Variants in PLAC1 observed in about 807,000 individuals in gnomAD.
PLAC1 encodes placenta-specific protein 1.
For synonymous variants in PLAC1, 68 were observed against 62.1 expected (o/e 1.09, Z -0.44); for missense variants, 136 against 163.2 (o/e 0.83, Z 0.91).
chrX:134,655,600 G>A (rs1020064444), intron 1 of PLAC1, among the ~76,000 whole-genome samples: 2 of 111,707 alleles, frequency 1.8e-5, no homozygotes, highest in Admixed American at 9.5e-5. Flanking sequence ...TTTGTGTATT[G>A]CATCTACTTA....
chrX:134,608,182 A>G (rs2078132127), intron 1 of PLAC1, among the ~76,000 whole-genome samples: 1 of 112,131 alleles, frequency 8.9e-6, no homozygotes, highest in East Asian at 2.8e-4. Context: ...TCCTAGATAC[A>G]TATCCAATAG....
intron 1 of PLAC1, among the ~76,000 whole-genome samples, chrX:134,758,885 G>C (rs963816508): frequency 9.0e-6 from 1 of 111,163 alleles, no homozygotes; most frequent in African/African-American, 3.3e-5. Context: ...CATCTAATGG[G>C]GACTTAATAT....
rs975828256 is a variant in PLAC1 at position 134,591,772 on chromosome X, T to C, written c.-59+10279A>G. Among the ~76,000 whole-genome samples the C allele has an allele frequency of 8.0e-5, 9 of 112,445 alleles. No individual in the cohort carries two copies. The South Asian group carries it at 3.3e-3, about 41-fold the overall frequency. ...ATTTCACATTCCCACTAGCAATGTC[T>C]GAGAGATCCAGTTTCTCTACATTCT... On this transcript the variant is annotated intron_variant, in intron 2 of 2. Transcript: ENST00000359237.
chrX:134,679,544 A>T (rs2078486981), intron 2 of PLAC1, among the ~76,000 whole-genome samples: 1 of 111,651 alleles, frequency 9.0e-6, no homozygotes, highest in East Asian at 2.8e-4. Flanking sequence ...GCAATGTCTG[A>T]AGACATTTTT....
chrX:134,697,037 A>G (rs1176634213), intron 2 of PLAC1, among the ~76,000 whole-genome samples: 5 of 109,298 alleles, frequency 4.6e-5, no homozygotes, highest in African/African-American at 6.7e-5. Context: ...CATCTCAAAA[A>G]AAAAAAAAGG....
chrX:134,605,387 C>G (rs1490655959), intron 1 of PLAC1, among the ~76,000 whole-genome samples: 1 of 112,238 alleles, frequency 8.9e-6, no homozygotes, highest in African/African-American at 3.2e-5. Context: ...AGCTTCAGCT[C>G]TCCCCGCAAT....
At chrX:134,703,229 A>G (rs981480150) in intron 2 of PLAC1, among the ~76,000 whole-genome samples, 1 of 112,101 alleles carries the variant, frequency 8.9e-6, no homozygotes, top group East Asian at 2.8e-4. Flanking sequence ...AATAAAAATA[A>G]ATACAAACCT....
intron 1 of PLAC1, among the ~76,000 whole-genome samples, chrX:134,653,483 T>A (rs907085694): frequency 1.8e-5 from 2 of 112,265 alleles, no homozygotes; most frequent in African/African-American, 6.5e-5. Context: ...TCAGGCAGTG[T>A]GACAAGCCAA....
intron 2 of PLAC1, among the ~76,000 whole-genome samples, chrX:134,731,685 G>C: frequency 9.0e-6 from 1 of 111,096 alleles, no homozygotes; most frequent in African/African-American, 3.3e-5. Flanking sequence ...GGATTTCTGG[G>C]GCATTGGGAA....
intron 1 of PLAC1, among the ~76,000 whole-genome samples, chrX:134,611,496 G>GATAT (rs201826945): frequency 9.0e-5 from 6 of 66,695 alleles, no homozygotes; most frequent in African/African-American, 2.9e-4. Context: ...TATATATATA[G>GATAT]ATATATATAT....
intron 2 of PLAC1, among the ~76,000 whole-genome samples, chrX:134,683,819 C>G (rs763463062): frequency 1.8e-5 from 2 of 112,366 alleles, no homozygotes; most frequent in Non-Finnish European, 3.8e-5. Flanking sequence ...CCCAACCTCA[C>G]TTTGTGCCAA....
intron 1 of PLAC1, among the ~76,000 whole-genome samples, chrX:134,645,052 C>G (rs2078326201): frequency 8.9e-6 from 1 of 111,832 alleles, no homozygotes; most frequent in African/African-American, 3.3e-5. Context: ...TCTTGCTGCA[C>G]CCAATCTAAC....
At chrX:134,679,748 A>G (rs985951103) in intron 2 of PLAC1, among the ~76,000 whole-genome samples, 1 of 112,150 alleles carries the variant, frequency 8.9e-6, no homozygotes, top group Non-Finnish European at 1.9e-5. Flanking sequence ...TACTGCACAC[A>G]TTTTGTTTCT....
rs1381990201 is a variant in PLAC1 at position 134,649,333 on chromosome X, C to T, written c.-131+8995G>A. 2.7e-5 allele frequency among the ~76,000 whole-genome samples: 3 copies of T among 109,320 alleles called. No homozygotes were observed. The Admixed American group carries it at 2.9e-4, about 11-fold the overall frequency. The allele number at this position is 109,320 out of a possible 115,157, so 94.9% of individuals were successfully genotyped here. A position where few individuals can be genotyped will look rare whatever the true frequency, so the allele number is the denominator to read the frequency against. On this transcript the variant is annotated intron_variant, in intron 1 of 2. Coordinates refer to ENST00000359237, the MANE Select transcript of PLAC1 (RefSeq NM_021796.4). The stretch of plus-strand genomic sequence containing the variant: ...TCATCACTTCCTAATTATTTTACTA[C>T]ACTTACTGTTACCTATGCTTTTGAG...
chrX:134,696,904 C>T (rs976444134), intron 2 of PLAC1, among the ~76,000 whole-genome samples: 1 of 108,131 alleles, frequency 9.2e-6, no homozygotes, highest in African/African-American at 3.4e-5. Context: ...GGGTGGCGGG[C>T]GCCTGTAGTC....
intron 1 of PLAC1, among the ~76,000 whole-genome samples, chrX:134,762,821 CAAAAAAAAAAAAAAA>C (rs60721487): frequency 1.3e-4 from 2 of 14,822 alleles, no homozygotes; most frequent in Admixed American, 1.2e-3. Context: ...GGCTCTATCT[CAAAAAAAAAAAAAAA>C]AAAAAAAAAA....
At chrX:134,734,129 AC>A (rs1039767367) in intron 1 of PLAC1, among the ~76,000 whole-genome samples, 1 of 112,517 alleles carries the variant, frequency 8.9e-6, no homozygotes, top group Non-Finnish European at 1.9e-5. Context: ...TGGGAGGGGA[AC>A]ATTCTGGAGG....
chrX:134,691,914 T>C (rs182997974), intron 2 of PLAC1, among the ~76,000 whole-genome samples: 1 of 112,125 alleles, frequency 8.9e-6, no homozygotes, highest in Admixed American at 9.4e-5. Context: ...GACATCACTT[T>C]GAACATGAGC....
intron 2 of PLAC1, among the ~76,000 whole-genome samples, chrX:134,594,286 T>C (rs2078052714): frequency 8.9e-6 from 1 of 111,960 alleles, no homozygotes; most frequent in Non-Finnish European, 1.9e-5. Flanking sequence ...TTCATATTGC[T>C]GAAGTCTGTT....
Sources: gnomAD v4.1 joint callset for allele counts (sites outside exome capture counted in the v4.1 genomes callset) on GRCh38, gnomAD v4.1.1 for gene constraint, MANE v1.5 for transcripts, NCBI Gene and HGNC (gene_info 2026-07-23, HGNC 2026-07-21) for gene names.